The following RBBP5 variants were observed in gnomAD, a reference collection of about 807,000 sequenced individuals.
RBBP5 encodes RB binding protein 5, histone lysine methyltransferase complex subunit, also known as retinoblastoma-binding protein 5.
RBBP5 carries 5 observed loss-of-function variants against 72.2 expected under a neutral mutation model. The ratio of observed to expected loss-of-function variants is 0.07; its 90% CI spans 0.04 to 0.15. The LOEUF (loss-of-function observed/expected upper bound fraction) is 0.15, where lower values mean the gene tolerates loss of function less well. Among genes scored for constraint, RBBP5 ranks in the 10% least tolerant of loss-of-function variants. The pLI is 1.00. For missense variants in RBBP5, 322 were observed against 652.2 expected (o/e 0.49, Z 5.51); for synonymous variants, 209 against 237.2 (o/e 0.88, Z 1.09).
At chr1:205,116,587 G>A (rs992742242) in intron 1 of RBBP5, among the ~76,000 whole-genome samples, 11 of 152,210 alleles carry the variant, frequency 7.2e-5, no homozygotes, top group Non-Finnish European at 1.0e-4. Flanking sequence ...GGGAGGCCAA[G>A]TTGCGGCAGA....
intron 3 of RBBP5, among the ~76,000 whole-genome samples, chr1:205,109,607 G>C (rs1395219196): frequency 6.6e-6 from 1 of 151,844 alleles, no homozygotes; most frequent in Non-Finnish European, 1.5e-5. Flanking sequence ...TACTGCTACT[G>C]CACTATAATT....
At position 205,097,317 on chromosome 1, in the gene RBBP5, C is replaced by T. The variant is rs1343690921; in HGVS notation, c.1166+9G>A. Reference sequence around the variant, plus strand: ...TAGCCAAGGTGCCCAGCCTTCCGGGCCGGCTCACCTGCTACAGAAGGCAGC... The same window carrying T: ...TAGCCAAGGTGCCCAGCCTTCCGGGTCGGCTCACCTGCTACAGAAGGCAGC... On this transcript the variant is annotated intron_variant, in intron 11 of 13. Coordinates refer to ENST00000264515, the MANE Select transcript of RBBP5 (RefSeq NM_005057.4). 6.4e-7 allele frequency: 1 copy of T among 1,551,566 alleles called. No homozygotes were observed. The highest frequency in any genetic ancestry group is 2.0e-5 in the Admixed American group (1 of 51,004).
chr1:205,113,239 A>G (rs911671966), intron 3 of RBBP5, among the ~76,000 whole-genome samples: 1 of 152,118 alleles, frequency 6.6e-6, no homozygotes, highest in Non-Finnish European at 1.5e-5. Context: ...GAATAAGTAT[A>G]TATTAGTATA....
chr1:205,104,770 C>G (rs992931875), intron 4 of RBBP5, among the ~76,000 whole-genome samples: 10 of 151,950 alleles, frequency 6.6e-5, no homozygotes, highest in African/African-American at 1.9e-4. Flanking sequence ...ACCCAGGAGG[C>G]AGAGGTTGTG....
At chr1:205,098,396 T>A (rs189772703) in intron 10 of RBBP5, among the ~76,000 whole-genome samples, 4 of 152,300 alleles carry the variant, frequency 2.6e-5, no homozygotes, top group African/African-American at 9.6e-5. Flanking sequence ...CACTTAGTCA[T>A]CTGCAATTAA....
Position 205,088,612 on chromosome 1 carries a change from A to G in RBBP5, c.*175T>C. ...TGCTTGAAAGGGAAGGGAAGGTCGT[A>G]TACTCTTCTTCCATAATTCACTTCT... On this transcript the variant is annotated 3_prime_UTR_variant, in exon 14 of 14. Transcript: ENST00000264515. 10 of 622,464 alleles carry G rather than the reference A, an allele frequency of 1.6e-5. No individual in the cohort carries two copies. The highest frequency in any genetic ancestry group is 2.5e-5 in the Non-Finnish European group (9 of 358,094). 38.6% of individuals were successfully genotyped at this position (622,464 alleles called of 1,614,324 possible). A position where few individuals can be genotyped will look rare whatever the true frequency, so the allele number is the denominator to read the frequency against.
intron 13 of RBBP5, among the ~76,000 whole-genome samples, chr1:205,089,851 T>G (rs564253403): frequency 2.7e-4 from 41 of 152,292 alleles, no homozygotes; most frequent in Non-Finnish European, 4.9e-4. Context: ...TTATTTATTT[T>G]ATTTATTTTT....
At chr1:205,113,829 C>T (rs1206003890) in intron 3 of RBBP5, among the ~76,000 whole-genome samples, 1 of 151,986 alleles carries the variant, frequency 6.6e-6, no homozygotes, top group Non-Finnish European at 1.5e-5. Context: ...GGATTACAGG[C>T]ACCCGCCAAC....
chr1:205,098,186 C>G (rs897435144), intron 10 of RBBP5, among the ~76,000 whole-genome samples: 1 of 152,102 alleles, frequency 6.6e-6, no homozygotes, highest in Non-Finnish European at 1.5e-5. Context: ...TCCCCACAAC[C>G]CTAAAAAGCA....
chr1:205,115,639 GAACTGTA>G (rs1423179369), intron 2 of RBBP5, among the ~76,000 whole-genome samples: 1 of 152,142 alleles, frequency 6.6e-6, no homozygotes, highest in African/African-American at 2.4e-5. Flanking sequence ...AAAGGAAAAT[GAACTGTA>G]AGATTACAAC....
rs942205748 is a variant in RBBP5, at chr1:205,086,732, G to A, written c.*2055C>T. 5.3e-5 allele frequency: 8 copies of A among 152,168 alleles called. No individual in the cohort carries two copies. The highest frequency in any genetic ancestry group is 1.3e-4 in the Admixed American group (2 of 15,278). The allele number at this position is 152,168 out of a possible 1,614,324, so 9.4% of individuals were successfully genotyped here. On this transcript the variant is annotated 3_prime_UTR_variant, in exon 14 of 14. Transcript: ENST00000264515. Reference sequence around the variant, plus strand: ...CTGCCAGAGACAATCTGACAGGGCTGAAGATGATTTTCTCAGTAGCCAGTT... The same window carrying A: ...CTGCCAGAGACAATCTGACAGGGCTAAAGATGATTTTCTCAGTAGCCAGTT...
chr1:205,091,036 A>G (rs1025990585), intron 13 of RBBP5: 14 of 152,292 alleles, frequency 9.2e-5, no homozygotes, highest in African/African-American at 3.4e-4. Context: ...AGCCCAAGAC[A>G]GGGAAATCTG....
intron 1 of RBBP5, among the ~76,000 whole-genome samples, chr1:205,117,150 C>G (rs1257072059): frequency 1.3e-5 from 2 of 152,138 alleles, no homozygotes; most frequent in East Asian, 2.0e-4. Flanking sequence ...TTCCCAAGTT[C>G]AAGCGCTTCT....
intron 3 of RBBP5, among the ~76,000 whole-genome samples, chr1:205,113,856 T>C (rs1386978208): frequency 6.6e-6 from 1 of 151,994 alleles, no homozygotes; most frequent in Non-Finnish European, 1.5e-5. Context: ...GGCGAATTTT[T>C]GTATTTTTAG....
chr1:205,098,145 T>C (rs1223915449), intron 10 of RBBP5, among the ~76,000 whole-genome samples: 2 of 152,222 alleles, frequency 1.3e-5, no homozygotes, highest in Non-Finnish European at 2.9e-5. Flanking sequence ...TAGGCATATA[T>C]TAAATGCTTT....
Position 205,121,928 on chromosome 1 carries a change from G to A in RBBP5, c.-55C>T. The A allele has an allele frequency of 6.2e-7, 1 of 1,604,310 alleles. No individual in the cohort carries two copies. Among genetic ancestry groups the A allele is most frequent in the Admixed American group, 1.7e-5 (1 of 59,942 alleles). On this transcript the variant is annotated 5_prime_UTR_variant, in exon 1 of 14. Transcript: ENST00000264515. ...CTCCGGCAACAACACCTTCTCCCCG[G>A]CCGGCTTCAGCAACTTGCGTCTAAG...
At chr1:205,118,371 G>A (rs937615225) in intron 1 of RBBP5, among the ~76,000 whole-genome samples, 1 of 151,980 alleles carries the variant, frequency 6.6e-6, no homozygotes, top group African/African-American at 2.4e-5. Context: ...CAGCACTTTG[G>A]GAGGCCGAGG....
chr1:205,115,829 C>A, intron 2 of RBBP5, 29 bp downstream of exon 2: 1 of 1,562,776 alleles, frequency 6.4e-7, no homozygotes, highest in South Asian at 1.2e-5. Context: ...TACTATGTTC[C>A]TAAAATCACC....
Position 205,099,255 on chromosome 1 carries a change from G to T in RBBP5, c.979-149C>A. 1 of 516,104 alleles carries T rather than the reference G, an allele frequency of 1.9e-6. No individual in the cohort carries two copies. The highest frequency in any genetic ancestry group is 3.3e-6 in the Non-Finnish European group (1 of 299,566). 32.0% of individuals were successfully genotyped at this position (516,104 alleles called of 1,614,324 possible). On this transcript the variant is annotated intron_variant, in intron 9 of 13. Transcript: ENST00000264515. The surrounding 1 kb of genome is among the most constrained non-coding windows in gnomAD (Gnocchi z 4.7). The stretch of plus-strand genomic sequence containing the variant: ...ACAAGAAAAAAATGGGTATCTGTAA[G>T]TTTTACTAGCTTAGGTATTTTCTAT...
Sources: allele counts gnomAD v4.1 joint callset (sites outside exome capture counted in the v4.1 genomes callset), GRCh38; gene constraint gnomAD v4.1.1; non-coding constraint Gnocchi (gnomAD v3.1); transcripts MANE v1.5; gene names NCBI Gene and HGNC (gene_info 2026-07-23, HGNC 2026-07-21).